Variants in ZNF730 observed in about 807,000 individuals in gnomAD.
ZNF730 encodes the protein zinc finger protein 730, also known as putative zinc finger protein 730.
ZNF730 carries 12 observed loss-of-function variants against 12.6 expected under a neutral mutation model. The ratio of observed to expected loss-of-function variants is 0.95; its 90% CI spans 0.61 to 1.54. The LOEUF is 1.54. Ranked by LOEUF, ZNF730 falls within the 40% of genes most tolerant of loss-of-function variation. The pLI is 0.00. For missense variants in ZNF730, 643 were observed against 583.5 expected (o/e 1.10, Z -1.05); for synonymous variants, 194 against 195.8 (o/e 0.99, Z 0.08).
chr19:23,106,130 A>T (rs1970389873), intron 1 of ZNF730, among the ~76,000 whole-genome samples: 1 of 151,960 alleles, frequency 6.6e-6, no homozygotes, highest in African/African-American at 2.4e-5. Flanking sequence ...GACCTTCCTA[A>T]AAAAAAGAAG....
At chr19:23,136,170 A>C in intron 3 of ZNF730, 127 bp downstream of exon 3, 1 of 680,240 alleles carries the variant, frequency 1.5e-6, no homozygotes, top group South Asian at 3.7e-5. Context: ...GTTTCTTTTT[A>C]TTTATTTTGC....
chr19:23,145,569 TA>T lies in ZNF730; in HGVS notation c.528del (p.Glu177AsnfsTer12). The T allele has an allele frequency of 6.5e-7, 1 of 1,546,138 alleles. No homozygotes were observed. Among genetic ancestry groups the T allele is most frequent in the Middle Eastern group, 1.7e-4 (1 of 5,910 alleles). On this transcript the variant is annotated frameshift_variant, in exon 4 of 4. Transcript: ENST00000597761. LOFTEE classifies it low-confidence loss of function (END_TRUNC). Reference protein sequence around the residue: ...RHTSKKPFKCKECGKLFCILS... With the variant: ...RHTSKKPFKCXECGKLFCILS... Reference sequence around the variant, plus strand: ...ATACTTCGAAGAAACCTTTCAAATGTAAAGAATGTGGAAAATTATTTTGCAT... The same window carrying T: ...ATACTTCGAAGAAACCTTTCAAATGTAAGAATGTGGAAAATTATTTTGCAT...
intron 1 of ZNF730, among the ~76,000 whole-genome samples, chr19:23,129,921 A>G (rs11085566): frequency 0.98 from 147,993 of 150,546 alleles, 72,777 homozygotes; most frequent in Middle Eastern, 1. Flanking sequence ...GTGAACCCGG[A>G]AGGCAGAGCT....
chr19:23,091,443 A>AT (rs1295669450), intron 1 of ZNF730, among the ~76,000 whole-genome samples: 1 of 152,112 alleles, frequency 6.6e-6, no homozygotes, highest in Non-Finnish European at 1.5e-5. Context: ...AGAATGGTAG[A>AT]TTCACCCACA....
At chr19:23,141,319 C>T (rs963421227) in intron 3 of ZNF730, among the ~76,000 whole-genome samples, 2 of 151,688 alleles carry the variant, frequency 1.3e-5, no homozygotes, top group African/African-American at 4.8e-5. Context: ...CACTTGAACC[C>T]AGGAGGCAGA....
intron 3 of ZNF730, among the ~76,000 whole-genome samples, chr19:23,142,227 T>A (rs1192694475): frequency 6.6e-6 from 1 of 151,884 alleles, no homozygotes; most frequent in Non-Finnish European, 1.5e-5. Context: ...AGTTGCATAA[T>A]ATTATTTTGA....
chr19:23,139,461 T>G (rs1485219656), intron 3 of ZNF730, among the ~76,000 whole-genome samples: 1 of 152,210 alleles, frequency 6.6e-6, no homozygotes, highest in Non-Finnish European at 1.5e-5. Flanking sequence ...TCAAAATACC[T>G]TTCCTCCATG....
At chr19:23,141,503 G>T (rs550447023) in intron 3 of ZNF730, among the ~76,000 whole-genome samples, 4 of 152,152 alleles carry the variant, frequency 2.6e-5, no homozygotes, top group Non-Finnish European at 4.4e-5. Context: ...AAAGTTTGAC[G>T]TTGCAATGAG....
intron 1 of ZNF730, among the ~76,000 whole-genome samples, chr19:23,129,558 AC>A (rs1338444788): frequency 2.1e-5 from 3 of 143,116 alleles, no homozygotes; most frequent in Non-Finnish European, 4.5e-5. Context: ...GACTGTATTT[AC>A]CCAATGCTTG....
At chr19:23,086,325 T>C (rs1321308948) in intron 1 of ZNF730, among the ~76,000 whole-genome samples, 2 of 152,184 alleles carry the variant, frequency 1.3e-5, no homozygotes, top group African/African-American at 4.8e-5. Context: ...ATTTTACTTA[T>C]TTATTTATTT....
intron 1 of ZNF730, among the ~76,000 whole-genome samples, chr19:23,094,670 C>T (rs946086861): frequency 1.3e-5 from 2 of 151,914 alleles, no homozygotes; most frequent in African/African-American, 2.4e-5. Flanking sequence ...AATGGGGTTT[C>T]AACATGTTGA....
At chr19:23,111,701 A>T (rs1970462214) in intron 1 of ZNF730, among the ~76,000 whole-genome samples, 1 of 152,036 alleles carries the variant, frequency 6.6e-6, no homozygotes, top group Non-Finnish European at 1.5e-5. Context: ...GTGAGCCGAC[A>T]TCACACCACT....
chr19:23,090,114 C>T (rs1021090594), intron 1 of ZNF730, among the ~76,000 whole-genome samples: 52 of 152,176 alleles, frequency 3.4e-4, no homozygotes, highest in African/African-American at 1.2e-3. Context: ...GGTGTGGTGG[C>T]GCATGCCTGT....
At chr19:23,101,616 C>T (rs1041824824) in intron 1 of ZNF730, among the ~76,000 whole-genome samples, 1 of 152,238 alleles carries the variant, frequency 6.6e-6, no homozygotes, top group African/African-American at 2.4e-5. Context: ...TCGCTTGACT[C>T]TGCACCTTGA....
intron 1 of ZNF730, among the ~76,000 whole-genome samples, chr19:23,080,080 G>A (rs1170287094): frequency 6.6e-6 from 1 of 151,952 alleles, no homozygotes; most frequent in Non-Finnish European, 1.5e-5. Flanking sequence ...TGAGTAGCTG[G>A]GATTACAGGC....
intron 3 of ZNF730, among the ~76,000 whole-genome samples, chr19:23,142,221 G>A (rs1181884188): frequency 2.6e-5 from 4 of 151,838 alleles, no homozygotes; most frequent in African/African-American, 4.8e-5. Flanking sequence ...AGATGTAGTT[G>A]CATAATATTA....
intron 1 of ZNF730, chr19:23,126,496 G>A (rs983299967): frequency 4.3e-5 from 16 of 370,828 alleles, no homozygotes; most frequent in South Asian, 1.0e-4. Flanking sequence ...GCATAAATGC[G>A]TAACATCATT....
At chr19:23,096,129 G>A (rs1970246784) in intron 1 of ZNF730, among the ~76,000 whole-genome samples, 1 of 152,128 alleles carries the variant, frequency 6.6e-6, no homozygotes, top group East Asian at 1.9e-4. Context: ...CCTACAGGTA[G>A]CATTGTGTCA....
At chr19:23,084,133 T>C (rs1401995749) in intron 1 of ZNF730, among the ~76,000 whole-genome samples, 1 of 152,206 alleles carries the variant, frequency 6.6e-6, no homozygotes. Context: ...TATTATTCTG[T>C]GTATGGATAT....
Sources: gnomAD v4.1 joint callset for allele counts (sites outside exome capture counted in the v4.1 genomes callset) on GRCh38, gnomAD v4.1.1 for gene constraint, MANE v1.5 for transcripts, NCBI Gene and HGNC (gene_info 2026-07-23, HGNC 2026-07-21) for gene names.